The following ZMAT4 variants were observed in gnomAD, a reference collection of about 807,000 sequenced individuals.
ZMAT4 encodes zinc finger matrin-type 4, also known as zinc finger matrin-type protein 4.
Under a neutral mutation model 28.7 loss-of-function variants are expected in ZMAT4, and 17 were observed. The ratio of observed to expected loss-of-function variants is 0.59; its 90% CI spans 0.41 to 0.89. ZMAT4 has a LOEUF of 0.89. ZMAT4 is among the 40% of genes least tolerant of loss of function. The pLI is 0.00. For synonymous variants in ZMAT4, 117 were observed against 109.2 expected, an observed-to-expected ratio of 1.07 and a Z score of -0.44; for missense variants, 240 against 283.8, an observed-to-expected ratio of 0.85 and a Z score of 1.11.
chr8:40,619,062 A>G (rs1806113172), intron 5 of ZMAT4, among the ~76,000 whole-genome samples: 2 of 152,216 alleles, frequency 1.3e-5, no homozygotes, highest in Admixed American at 1.3e-4. Flanking sequence ...GTGGGTCAGT[A>G]ACCAATTCCT....
chr8:40,589,128 T>C (rs985484065), intron 5 of ZMAT4, among the ~76,000 whole-genome samples: 1 of 152,208 alleles, frequency 6.6e-6, no homozygotes, highest in African/African-American at 2.4e-5. Flanking sequence ...CTAATACTGA[T>C]ATATGCCATA....
intron 3 of ZMAT4, among the ~76,000 whole-genome samples, chr8:40,763,906 A>G (rs569157320): frequency 6.6e-6 from 1 of 152,276 alleles, no homozygotes; most frequent in Admixed American, 6.5e-5. Context: ...AACCCCACAT[A>G]AAAATACTGT....
At chr8:40,559,747 A>G (rs1407426022) in intron 6 of ZMAT4, among the ~76,000 whole-genome samples, 2 of 152,098 alleles carry the variant, frequency 1.3e-5, no homozygotes, top group African/African-American at 2.4e-5. Flanking sequence ...ACAACCACAC[A>G]AACAAACACA....
At chr8:40,719,781 G>T (rs1585934508) in intron 3 of ZMAT4, among the ~76,000 whole-genome samples, 1 of 152,150 alleles carries the variant, frequency 6.6e-6, no homozygotes, top group East Asian at 1.9e-4. Context: ...ATGTTGGACA[G>T]GCTGGTCTTG....
intron 5 of ZMAT4, among the ~76,000 whole-genome samples, chr8:40,588,883 C>G (rs1804757976): frequency 6.6e-6 from 1 of 152,122 alleles, no homozygotes; most frequent in African/African-American, 2.4e-5. Context: ...CTCAAAACAA[C>G]CCCAATGCCC....
intron 5 of ZMAT4, among the ~76,000 whole-genome samples, chr8:40,617,277 T>G (rs963195008): frequency 1.9e-4 from 29 of 152,234 alleles, no homozygotes; most frequent in African/African-American, 6.8e-4. Context: ...GGTTGCAACT[T>G]TGATGTACAC....
rs145716489 is a variant in ZMAT4, at chr8:40,848,921, C to G, written c.-4-23241G>C. Among the ~76,000 whole-genome samples the G allele has an allele frequency of 9.7e-4, 148 of 152,338 alleles. 1 individual carries two copies. Among genetic ancestry groups the G allele is most frequent in the African/African-American group, 3.3e-3 (138 of 41,560 alleles). Reference sequence around the variant, plus strand: ...GGCACCTACATCATTCCAGCCACCCCCAAATGACCTGCTTTGGAAATGACT... The same window carrying G: ...GGCACCTACATCATTCCAGCCACCCGCAAATGACCTGCTTTGGAAATGACT... On this transcript the variant is annotated intron_variant, in intron 1 of 6. Coordinates refer to ENST00000297737, the MANE Select transcript of ZMAT4 (RefSeq NM_024645.3).
intron 6 of ZMAT4, among the ~76,000 whole-genome samples, chr8:40,547,467 G>A (rs906718338): frequency 1.3e-5 from 2 of 152,168 alleles, no homozygotes; most frequent in African/African-American, 4.8e-5. Flanking sequence ...GGACCTTGGG[G>A]CCAGACAGAT....
chr8:40,788,602 A>G (rs1814186654), intron 2 of ZMAT4, among the ~76,000 whole-genome samples: 1 of 152,144 alleles, frequency 6.6e-6, no homozygotes, highest in African/African-American at 2.4e-5. Flanking sequence ...TCTTTTCACA[A>G]AGGAAACATC....
chr8:40,667,855 A>C (rs550775037), intron 5 of ZMAT4, among the ~76,000 whole-genome samples: 140 of 151,702 alleles, frequency 9.2e-4, no homozygotes, highest in East Asian at 1.2e-3. Flanking sequence ...AAAACAACAA[A>C]AAAAAAAACC....
chr8:40,854,004 T>A (rs1432516433), intron 1 of ZMAT4, among the ~76,000 whole-genome samples: 2 of 152,128 alleles, frequency 1.3e-5, no homozygotes, highest in East Asian at 3.9e-4. Flanking sequence ...TGGAAGAAGG[T>A]GAAGGGGGAG....
chr8:40,532,721 G>A (rs1453076319), intron 6 of ZMAT4, among the ~76,000 whole-genome samples: 1 of 152,140 alleles, frequency 6.6e-6, no homozygotes, highest in African/African-American at 2.4e-5. Flanking sequence ...TTCTGGGCCA[G>A]GTGCAGTGGC....
intron 6 of ZMAT4, among the ~76,000 whole-genome samples, chr8:40,537,863 A>G (rs1802896935): frequency 6.6e-6 from 1 of 152,036 alleles, no homozygotes; most frequent in Non-Finnish European, 1.5e-5. Flanking sequence ...GACCTCCATT[A>G]TTTGGGTGAC....
At chr8:40,644,743 A>G (rs939049968) in intron 5 of ZMAT4, among the ~76,000 whole-genome samples, 2 of 152,212 alleles carry the variant, frequency 1.3e-5, no homozygotes, top group Non-Finnish European at 2.9e-5. Context: ...AGTGACCAAG[A>G]TGATCAACAG....
chr8:40,825,826 A>G lies in ZMAT4; in HGVS notation c.-4-146T>C, dbSNP rs1357013240. On this transcript the variant is annotated intron_variant, in intron 1 of 6. Transcript: ENST00000297737. Reference sequence around the variant, plus strand: ...ATCTCCCTACACTCTTGACGTTATCATATCGATTAACCATAATATGTGCAT... The same window carrying G: ...ATCTCCCTACACTCTTGACGTTATCGTATCGATTAACCATAATATGTGCAT... 19 of 603,160 alleles carry G rather than the reference A, an allele frequency of 3.2e-5. No homozygotes were observed. The East Asian group carries it at 5.6e-4, about 18-fold the overall frequency. The allele number at this position is 603,160 out of a possible 1,614,324, so 37.4% of individuals were successfully genotyped here.
chr8:40,649,128 G>A (rs1807500279), intron 5 of ZMAT4, among the ~76,000 whole-genome samples: 1 of 102,738 alleles, frequency 9.7e-6, no homozygotes, highest in South Asian at 3.4e-4. Context: ...ACACAGACTG[G>A]CAAATTGGAT....
At chr8:40,596,830 G>A (rs767220459) in intron 5 of ZMAT4, among the ~76,000 whole-genome samples, 7 of 152,100 alleles carry the variant, frequency 4.6e-5, no homozygotes, top group South Asian at 4.1e-4. Context: ...GACAACCTCC[G>A]TCTCCCTGTT....
rs144085970 is a variant in ZMAT4, at chr8:40,696,946, A to G, written c.349+299T>C. ...ATCTAGAAAACAGAATAGATATCACATCTTATATAATACACAGTAGGAATG... is the reference window on the plus strand; with the variant it reads ...ATCTAGAAAACAGAATAGATATCACGTCTTATATAATACACAGTAGGAATG... On this transcript the variant is annotated intron_variant, in intron 4 of 6. Transcript: ENST00000297737. 87 of 239,500 alleles carry G rather than the reference A, an allele frequency of 3.6e-4. No homozygotes were observed. In the East Asian group the frequency reaches 7.0e-3, roughly 19 times the overall value. The allele number at this position is 239,500 out of a possible 1,614,324, so 14.8% of individuals were successfully genotyped here.
intron 5 of ZMAT4, among the ~76,000 whole-genome samples, chr8:40,592,148 C>T (rs1804914037): frequency 6.6e-6 from 1 of 152,110 alleles, no homozygotes; most frequent in Admixed American, 6.5e-5. Context: ...AAATTTTAAG[C>T]ACAGCTCTTA....
Sources: gnomAD v4.1 joint callset for allele counts (sites outside exome capture counted in the v4.1 genomes callset) on GRCh38, gnomAD v4.1.1 for gene constraint, MANE v1.5 for transcripts, NCBI Gene and HGNC (gene_info 2026-07-23, HGNC 2026-07-21) for gene names.